The following CAPZB variants were observed in gnomAD, a reference collection of about 807,000 sequenced individuals.
The protein encoded by CAPZB is capping actin protein of muscle Z-line subunit beta.
A neutral mutation model predicts 38.1 loss-of-function variants in CAPZB; 2 were observed. The ratio of observed to expected loss-of-function variants is 0.05; its 90% confidence interval spans 0.02 to 0.17. The LOEUF (loss-of-function observed/expected upper bound fraction) is 0.17, where lower values mean the gene tolerates loss of function less well. Among genes scored for constraint, CAPZB ranks in the 10% least tolerant of loss-of-function variants. The pLI, the probability that CAPZB is intolerant of heterozygous loss-of-function variation, is 1.00. For synonymous variants in CAPZB, 107 were observed against 127.4 expected (o/e 0.84, Z 1.08); for missense variants, 161 against 334.2 (o/e 0.48, Z 4.04).
At chr1:19,397,154 C>T (rs894129747) in intron 2 of CAPZB, among the ~76,000 whole-genome samples, 11 of 152,130 alleles carry the variant, frequency 7.2e-5, no homozygotes, top group Non-Finnish European at 1.6e-4. Flanking sequence ...TTTTTGTTCT[C>T]GTCAACATTT....
At chr1:19,455,377 C>T (rs1454149978) in intron 1 of CAPZB, among the ~76,000 whole-genome samples, 1 of 152,204 alleles carries the variant, frequency 6.6e-6, no homozygotes, top group Non-Finnish European at 1.5e-5. Flanking sequence ...TAAAATTAAA[C>T]TTTACTTTCT....
At chr1:19,484,692 G>A in intron 1 of CAPZB, 1 of 1,132,060 alleles carries the variant, frequency 8.8e-7, no homozygotes, top group Non-Finnish European at 1.1e-6. Context: ...GCACCAGGCA[G>A]GGGGCAGGAC....
intron 1 of CAPZB, among the ~76,000 whole-genome samples, chr1:19,434,549 C>A (rs1276449582): frequency 1.6e-5 from 1 of 61,964 alleles, no homozygotes; most frequent in Non-Finnish European, 3.3e-5. Context: ...ACAGAGTAAG[C>A]CTTTTTTTTT....
intron 4 of CAPZB, among the ~76,000 whole-genome samples, chr1:19,360,135 A>T (rs963974675): frequency 2.6e-5 from 4 of 152,180 alleles, no homozygotes; most frequent in Non-Finnish European, 4.4e-5. Flanking sequence ...GGGCTCCGTG[A>T]GCCTTTCTGG....
chr1:19,448,953 CA>C, intron 1 of CAPZB: 3 of 1,611,706 alleles, frequency 1.9e-6, no homozygotes, highest in Non-Finnish European at 2.5e-6. Context: ...GTTTTGCAGG[CA>C]GGGGAGGCGA....
intron 1 of CAPZB, among the ~76,000 whole-genome samples, chr1:19,453,871 G>A (rs900379199): frequency 6.6e-6 from 1 of 152,130 alleles, no homozygotes; most frequent in East Asian, 1.9e-4. Flanking sequence ...CACATTAGAT[G>A]CATTAACTCA....
chr1:19,354,863 C>T (rs1025320960), intron 6 of CAPZB, among the ~76,000 whole-genome samples: 4 of 152,214 alleles, frequency 2.6e-5, no homozygotes, highest in African/African-American at 9.7e-5. Context: ...GAGAGTCAGG[C>T]TGCAGGGGAG....
intron 8 of CAPZB, among the ~76,000 whole-genome samples, chr1:19,343,982 A>G (rs1200543332): frequency 2.0e-5 from 3 of 152,184 alleles, no homozygotes; most frequent in African/African-American, 7.2e-5. Context: ...CAGGCCAGCC[A>G]GAGGCAGCCG....
chr1:19,397,614 C>T (rs559032180), intron 2 of CAPZB, among the ~76,000 whole-genome samples: 1 of 152,288 alleles, frequency 6.6e-6, no homozygotes, highest in Non-Finnish European at 1.5e-5. Context: ...GCGAACGGAA[C>T]CTCTCATACC....
chr1:19,370,411 C>T (rs1051450313), intron 4 of CAPZB, among the ~76,000 whole-genome samples: 13 of 152,178 alleles, frequency 8.5e-5, no homozygotes, highest in South Asian at 2.1e-4. Flanking sequence ...GGCTGGGGTC[C>T]TGAGAAACCA....
chr1:19,428,478 G>A (rs1301366996), intron 1 of CAPZB, among the ~76,000 whole-genome samples: 2 of 151,908 alleles, frequency 1.3e-5, no homozygotes, highest in Non-Finnish European at 2.9e-5. Flanking sequence ...CAGTGGCTAT[G>A]TTAAGGTCAT....
intron 1 of CAPZB, among the ~76,000 whole-genome samples, chr1:19,477,439 G>A (rs538731229): frequency 1.4e-4 from 22 of 152,358 alleles, no homozygotes; most frequent in African/African-American, 4.3e-4. Context: ...AAGCCTGGCC[G>A]CTGCTCTTTT....
chr1:19,419,837 C>T (rs2094394568), intron 1 of CAPZB, 87 bp from the exon 2 acceptor site: 1 of 827,686 alleles, frequency 1.2e-6, no homozygotes, highest in South Asian at 1.5e-5. Context: ...TTGCCCAAGG[C>T]ATTCTAAAAC....
intron 1 of CAPZB, among the ~76,000 whole-genome samples, chr1:19,440,786 C>T (rs1355650355): frequency 6.6e-5 from 10 of 152,188 alleles, no homozygotes; most frequent in South Asian, 4.1e-4. Flanking sequence ...CTAGGCCGGG[C>T]GCGGTGGCTC....
At chr1:19,464,020 CAAAA>C (rs35097598) in intron 1 of CAPZB, among the ~76,000 whole-genome samples, 1 of 124,608 alleles carries the variant, frequency 8.0e-6, no homozygotes, top group Admixed American at 8.3e-5. Context: ...ACTAAAAATA[CAAAA>C]AAAAAAAAAA....
At chr1:19,399,424 T>C (rs1433497722) in intron 2 of CAPZB, among the ~76,000 whole-genome samples, 1 of 152,172 alleles carries the variant, frequency 6.6e-6, no homozygotes, top group Non-Finnish European at 1.5e-5. Flanking sequence ...ATGGGCAGTG[T>C]TGTCTTTCTC....
chr1:19,432,093 C>T (rs1178910395), intron 1 of CAPZB, among the ~76,000 whole-genome samples: 1 of 150,302 alleles, frequency 6.7e-6, no homozygotes, highest in Non-Finnish European at 1.5e-5. Flanking sequence ...CGCTTTGACT[C>T]TTTTGAATAA....
intron 6 of CAPZB, among the ~76,000 whole-genome samples, chr1:19,349,059 A>G (rs763954017): frequency 7.2e-5 from 11 of 152,054 alleles, no homozygotes; most frequent in Non-Finnish European, 1.5e-4. Context: ...CAGGTCTAAT[A>G]AACACACCAA....
At chr1:19,385,764 G>T (rs1278786523) in intron 2 of CAPZB, 138 bp from the exon 3 acceptor site, 3 of 966,740 alleles carry the variant, frequency 3.1e-6, no homozygotes, top group Admixed American at 1.7e-5. Flanking sequence ...TTATGGGCCT[G>T]TTCTTTTCTT....
Sources: allele counts gnomAD v4.1 joint callset (sites outside exome capture counted in the v4.1 genomes callset), GRCh38; gene constraint gnomAD v4.1.1; transcripts MANE v1.5; gene names NCBI Gene and HGNC (gene_info 2026-07-23, HGNC 2026-07-21).